IFI44L: variants seen among roughly 807,000 people sequenced by gnomAD.
IFI44L encodes the protein interferon induced protein 44 like.
A neutral mutation model predicts 39.3 loss-of-function variants in IFI44L; 40 were observed. The ratio of observed to expected loss-of-function variants is 1.02; its 90% CI spans 0.79 to 1.33. IFI44L has a LOEUF of 1.33. Among genes scored for constraint, IFI44L ranks in the 40% most tolerant of loss-of-function variants. The pLI, the probability that IFI44L is intolerant of heterozygous loss-of-function variation, is 0.00. For missense variants in IFI44L, 623 were observed against 549.0 expected (o/e 1.13, Z -1.35); for synonymous variants, 198 against 182.3 (o/e 1.09, Z -0.69).
chr1:78,645,910 A>C lies in IFI44L; in HGVS notation c.*4101A>C, dbSNP rs1189635701. The C allele has an allele frequency of 6.6e-6, 1 of 152,178 alleles. No homozygotes were observed. Among genetic ancestry groups the C allele is most frequent in the Non-Finnish European group, 1.5e-5 (1 of 68,036 alleles). 9.4% of individuals were successfully genotyped at this position (152,178 alleles called of 1,614,324 possible). A position where few individuals can be genotyped will look rare whatever the true frequency, so the allele number is the denominator to read the frequency against. ...TCCCACAATCCCACTTCCTTCCTCA[A>C]CACAATTCAAACAAATAGACTCAGA... On this transcript the variant is annotated 3_prime_UTR_variant, in exon 9 of 9. Coordinates refer to ENST00000370751, the MANE Select transcript of IFI44L (RefSeq NM_006820.4).
chr1:78,641,378 G>T, intron 7 of IFI44L, 57 bp from the exon 8 acceptor site: 1 of 1,472,720 alleles, frequency 6.8e-7, no homozygotes, highest in Non-Finnish European at 9.3e-7. Context: ...ATTTAAAATT[G>T]GTCAAATTTC....
intron 4 of IFI44L, 108 bp from the exon 5 acceptor site, chr1:78,635,225 CTGTT>C: frequency 1.2e-6 from 1 of 815,596 alleles, no homozygotes; most frequent in Non-Finnish European, 1.9e-6. Flanking sequence ...TGAGACCAAA[CTGTT>C]TGAGGACCAT....
chr1:78,641,408 T>C, intron 7 of IFI44L, 27 bp from the exon 8 acceptor site: 1 of 1,598,638 alleles, frequency 6.3e-7, no homozygotes, highest in Non-Finnish European at 8.6e-7. Context: ...ATACAGGACT[T>C]ACACTTTTTA....
Position 78,628,964 on chromosome 1 carries a change from C to A in IFI44L, c.492C>A (p.Asn164Lys). The A allele has an allele frequency of 1.3e-6, 2 of 1,576,694 alleles. No homozygotes were observed. The highest frequency in any genetic ancestry group is 1.7e-6 in the Non-Finnish European group (2 of 1,147,046). Residue 164 changes from asparagine (N) to lysine (K), a missense_variant, in exon 3 of 9, where the codon AAC becomes AAA. By Grantham distance (94) the Asn-to-Lys change is moderately conservative. Transcript: ENST00000370751. ...TATTTCCTATAGGAATTAAGGATAA[C>A]CTAGACGACATAAAGAGGATAATTA... ...EVFRVEGIKD[N>K]LDDIKRIIKA...
In IFI44L at chr1:78,623,291, G is replaced by A. The variant is rs185138043; in HGVS notation, c.-11+2720G>A. Among the ~76,000 whole-genome samples the A allele has an allele frequency of 1.4e-4, 21 of 151,698 alleles. No homozygotes were observed. In the East Asian group the frequency reaches 3.1e-3, roughly 22 times the overall value. ...TCTTGTACTTTATCTTAGAGGAAAA[G>A]CTGTCAGTTTTTCACTGCTGAATAT... is the stretch of plus-strand genomic sequence containing the variant. On this transcript the variant is annotated intron_variant, in intron 1 of 8. Transcript: ENST00000370751.
chr1:78,629,672 T>C, intron 3 of IFI44L, 48 bp from the exon 4 acceptor site: 1 of 1,403,838 alleles, frequency 7.1e-7, no homozygotes, highest in Non-Finnish European at 9.8e-7. Flanking sequence ...TTTATGGTAT[T>C]CTTTATTGGC....
rs764586937 is a variant in IFI44L, at chr1:78,635,324, A to AT, written c.724-6dup. ...ATGAATGAACCTTTACACTTAATGT[A>AT]TTTTTTTAACAGTATAGGATATATT... On this transcript the variant is annotated splice_polypyrimidine_tract_variant and intron_variant, in intron 4 of 8. Transcript: ENST00000370751. 28 of 1,559,730 alleles carry AT rather than the reference A, an allele frequency of 1.8e-5. No homozygotes were observed. In the East Asian group the frequency reaches 2.2e-4, roughly 13 times the overall value.
intron 4 of IFI44L, among the ~76,000 whole-genome samples, chr1:78,630,988 TGC>T (rs1652728982): frequency 6.6e-6 from 1 of 152,136 alleles, no homozygotes; most frequent in African/African-American, 2.4e-5. Context: ...CAGAGACCAA[TGC>T]AGATAATAAA....
At chr1:78,621,422 C>A (rs978827252) in intron 1 of IFI44L, among the ~76,000 whole-genome samples, 2 of 152,020 alleles carry the variant, frequency 1.3e-5, no homozygotes, top group African/African-American at 4.8e-5. Flanking sequence ...CAGGCGTGCA[C>A]CAGCATGCCT....
intron 6 of IFI44L, among the ~76,000 whole-genome samples, chr1:78,637,789 G>A (rs1653007286): frequency 6.6e-6 from 1 of 152,050 alleles, no homozygotes; most frequent in Non-Finnish European, 1.5e-5. Flanking sequence ...ATGTATGTAT[G>A]TATTTATTGT....
intron 5 of IFI44L, chr1:78,636,725 A>G (rs1652963312): frequency 3.8e-6 from 1 of 262,586 alleles, no homozygotes; most frequent in Middle Eastern, 1.2e-3. Flanking sequence ...AATGGTGTTT[A>G]TTTCTGGATA....
intron 3 of IFI44L, 82 bp downstream of exon 3, chr1:78,629,081 A>G: frequency 1.1e-6 from 1 of 872,272 alleles, no homozygotes; most frequent in Non-Finnish European, 1.9e-6. Context: ...TGTGGTAAAG[A>G]TAAAAATCAT....
intron 1 of IFI44L, chr1:78,627,700 A>T: frequency 3.0e-6 from 1 of 338,396 alleles, no homozygotes; most frequent in Non-Finnish European, 5.3e-6. Context: ...TAAAAATTTT[A>T]ATGACTTTTC....
At chr1:78,640,699 G>C (rs1646972237) in intron 6 of IFI44L, among the ~76,000 whole-genome samples, 1 of 151,864 alleles carries the variant, frequency 6.6e-6, no homozygotes, top group Non-Finnish European at 1.5e-5. Context: ...TTTTTCTTGT[G>C]GTTCTTTTTA....
In IFI44L at chr1:78,623,939, A is replaced by G. The variant is rs536731398; in HGVS notation, c.-11+3368A>G. ...TGGATCTTTTTTATGCAGTTTACTA[A>G]TTCAAATGCTAATCTAAAATGTGTT... On this transcript the variant is annotated intron_variant, in intron 1 of 8. Coordinates refer to ENST00000370751, the MANE Select transcript of IFI44L (RefSeq NM_006820.4). 3.9e-5 allele frequency among the ~76,000 whole-genome samples: 6 copies of G among 152,268 alleles called. No individual in the cohort carries two copies. In the East Asian group the frequency reaches 1.2e-3, roughly 29 times the overall value.
At position 78,629,011 on chromosome 1, in the gene IFI44L, T is replaced by C. The variant is rs1482196145; in HGVS notation, c.527+12T>C. The C allele has an allele frequency of 3.3e-6, 5 of 1,532,630 alleles. No individual in the cohort carries two copies. The African/African-American group carries it at 6.8e-5, about 21-fold the overall frequency. 94.9% of individuals were successfully genotyped at this position (1,532,630 alleles called of 1,614,324 possible). ...ATTAAAGCCAGAGAGTAAGTTGGAT[T>C]CTTGGGCTATCTATTAATCATTTTA... On this transcript the variant is annotated intron_variant, in intron 3 of 8. Coordinates refer to ENST00000370751, the MANE Select transcript of IFI44L (RefSeq NM_006820.4).
rs990427080 is a variant in IFI44L, at chr1:78,644,759, G to T, written c.*2950G>T. The T allele has an allele frequency of 3.9e-5, 6 of 152,276 alleles. No homozygotes were observed. The highest frequency in any genetic ancestry group is 1.2e-4 in the African/African-American group (5 of 41,548). The allele number at this position is 152,276 out of a possible 1,614,324, so 9.4% of individuals were successfully genotyped here. A position where few individuals can be genotyped will look rare whatever the true frequency, so the allele number is the denominator to read the frequency against. ...AATAGTGCTAAGGAGTATAGCAGAT[G>T]ACCTATATGTGTGTTGGCTGGGAGA... On this transcript the variant is annotated 3_prime_UTR_variant, in exon 9 of 9. Coordinates refer to ENST00000370751, the MANE Select transcript of IFI44L (RefSeq NM_006820.4).
intron 1 of IFI44L, among the ~76,000 whole-genome samples, chr1:78,625,226 T>C (rs187646346): frequency 6.6e-6 from 1 of 152,282 alleles, no homozygotes; most frequent in East Asian, 1.9e-4. Flanking sequence ...TTGTGTATTA[T>C]TTATTCTTCA....
rs1294966151 is a variant in IFI44L at position 78,642,723 on chromosome 1, T to C, written c.*914T>C. On this transcript the variant is annotated 3_prime_UTR_variant, in exon 9 of 9. Coordinates refer to ENST00000370751, the MANE Select transcript of IFI44L (RefSeq NM_006820.4). ...GAATGACTCTAAGTAATTGAATTAA[T>C]TAAAATGAGCCAACTTTTTTTTAAC... The C allele has an allele frequency of 6.6e-6, 1 of 152,194 alleles. No homozygotes were observed. The highest frequency in any genetic ancestry group is 2.4e-5 in the African/African-American group (1 of 41,452). The allele number at this position is 152,194 out of a possible 1,614,324, so 9.4% of individuals were successfully genotyped here. A position where few individuals can be genotyped will look rare whatever the true frequency, so the allele number is the denominator to read the frequency against.
Sources: allele counts gnomAD v4.1 joint callset (sites outside exome capture counted in the v4.1 genomes callset), GRCh38; gene constraint gnomAD v4.1.1; transcripts MANE v1.5; gene names NCBI Gene and HGNC (gene_info 2026-07-23, HGNC 2026-07-21).